Variants in CPAP observed in about 807,000 individuals in gnomAD.
The protein encoded by CPAP is centrosome assembly and centriole elongation protein.
the CPAP span, chr13:24,906,623 C>A: frequency 6.2e-7 from 1 of 1,614,204 alleles, no homozygotes; most frequent in Non-Finnish European, 8.5e-7. Flanking sequence ...TATTTTCAAT[C>A]CTGACGGAGA....
chr13:24,892,381 T>C, the CPAP span, among the ~76,000 whole-genome samples: 2 of 152,190 alleles, frequency 1.3e-5, no homozygotes, highest in Non-Finnish European at 2.9e-5. Flanking sequence ...AGATATCACA[T>C]AAAATTCACC....
At chr13:24,899,406 A>G in the CPAP span, 2 of 1,601,580 alleles carry the variant, frequency 1.2e-6, no homozygotes, top group Middle Eastern at 1.8e-4. Flanking sequence ...TATAACATAA[A>G]GAACTAGCAT....
the CPAP span, chr13:24,892,772 T>C: frequency 6.2e-7 from 1 of 1,614,030 alleles, no homozygotes; most frequent in Non-Finnish European, 8.5e-7. Flanking sequence ...TGACTAACAT[T>C]TGTATCTGGC....
the CPAP span, among the ~76,000 whole-genome samples, chr13:24,897,315 T>C: frequency 1.3e-5 from 2 of 152,192 alleles, no homozygotes; most frequent in African/African-American, 4.8e-5. Flanking sequence ...TCAATGTACA[T>C]ACCTTTAACC....
the CPAP span, chr13:24,908,118 T>C: frequency 6.2e-7 from 1 of 1,609,390 alleles, no homozygotes; most frequent in African/African-American, 1.3e-5. Flanking sequence ...CAACATAAGA[T>C]ACTTTCTCCT....
the CPAP span, chr13:24,882,528 C>T: frequency 1.3e-5 from 2 of 152,684 alleles, no homozygotes; most frequent in Non-Finnish European, 2.9e-5. Flanking sequence ...TGGGTTAACA[C>T]TGGCTAGTCA....
the CPAP span, among the ~76,000 whole-genome samples, chr13:24,907,496 G>T: frequency 1.3e-5 from 2 of 152,106 alleles, no homozygotes; most frequent in South Asian, 4.1e-4. Context: ...TTCAAAAATA[G>T]ATCACTAAAT....
chr13:24,896,619 A>C, the CPAP span, among the ~76,000 whole-genome samples: 1 of 152,270 alleles, frequency 6.6e-6, no homozygotes, highest in African/African-American at 2.4e-5. Context: ...CACGTTATTC[A>C]TCTAACAAAG....
chr13:24,897,018 T>G, the CPAP span, among the ~76,000 whole-genome samples: 1 of 152,218 alleles, frequency 6.6e-6, no homozygotes, highest in Non-Finnish European at 1.5e-5. Flanking sequence ...AAGTTTAAAA[T>G]CAATTTTAAA....
chr13:24,918,394 T>C, the CPAP span, among the ~76,000 whole-genome samples: 1 of 152,208 alleles, frequency 6.6e-6, no homozygotes, highest in Non-Finnish European at 1.5e-5. Context: ...TGATATGCAG[T>C]TGACCCTTGA....
the CPAP span, chr13:24,889,531 C>G: frequency 4.4e-6 from 3 of 689,290 alleles, no homozygotes; most frequent in African/African-American, 5.4e-5. Context: ...TTCATTTATA[C>G]AACAGGCCAA....
chr13:24,906,877 A>G, the CPAP span: 9 of 1,614,076 alleles, frequency 5.6e-6, no homozygotes, highest in Non-Finnish European at 7.6e-6. Flanking sequence ...TAGATTTGGC[A>G]TTAGTAAATC....
the CPAP span, chr13:24,909,684 TC>T: frequency 9.4e-7 from 1 of 1,062,610 alleles, no homozygotes; most frequent in Non-Finnish European, 1.4e-6. Context: ...ACGGCAACAC[TC>T]CATCTCTGAA....
the CPAP span, among the ~76,000 whole-genome samples, chr13:24,908,435 C>CAAAAAAAAAAAAAAAA: frequency 4.9e-5 from 4 of 80,904 alleles, no homozygotes; most frequent in African/African-American, 1.8e-4. Flanking sequence ...CCCGTCTCTA[C>CAAAAAAAAAAAAAAAA]AAAAAAAAAA....
chr13:24,883,105 G>T, the CPAP span: 1 of 1,313,414 alleles, frequency 7.6e-7, no homozygotes, highest in Non-Finnish European at 1.1e-6. Context: ...AAATTAAACA[G>T]AATCCACAGT....
chr13:24,884,794 C>G, the CPAP span, among the ~76,000 whole-genome samples: 2 of 152,182 alleles, frequency 1.3e-5, no homozygotes, highest in African/African-American at 4.8e-5. Flanking sequence ...CACTCCAACC[C>G]TATAATTTCA....
the CPAP span, among the ~76,000 whole-genome samples, chr13:24,916,058 C>T: frequency 6.6e-6 from 1 of 152,030 alleles, no homozygotes; most frequent in Non-Finnish European, 1.5e-5. Flanking sequence ...AAATTGAAGG[C>T]AGTAGGCACA....
At chr13:24,887,423 C>T in the CPAP span, among the ~76,000 whole-genome samples, 1 of 152,194 alleles carries the variant, frequency 6.6e-6, no homozygotes, top group Non-Finnish European at 1.5e-5. Context: ...CGCATTACCA[C>T]CTGAGCTCCA....
chr13:24,902,025 G>C, the CPAP span, among the ~76,000 whole-genome samples: 1 of 151,990 alleles, frequency 6.6e-6, no homozygotes, highest in African/African-American at 2.4e-5. Context: ...GCAGATTAAA[G>C]AGCCCATACA....
Sources: gnomAD v4.1 joint callset for allele counts (sites outside exome capture counted in the v4.1 genomes callset) on GRCh38, gnomAD v4.1.1 for gene constraint, MANE v1.5 for transcripts, NCBI Gene and HGNC (gene_info 2026-07-23, HGNC 2026-07-21) for gene names.